AP1AR: variants seen among roughly 807,000 people sequenced by gnomAD.
AP1AR encodes the protein adaptor related protein complex 1 associated regulatory protein.
AP1AR carries 29 observed loss-of-function variants against 46.3 expected under a neutral mutation model. The ratio of observed to expected loss-of-function variants is 0.63; its 90% CI spans 0.47 to 0.85. The LOEUF (loss-of-function observed/expected upper bound fraction) is 0.85, where lower values mean the gene tolerates loss of function less well. AP1AR is among the 40% of genes least tolerant of loss of function. AP1AR has a pLI of 0.00. For missense variants in AP1AR, 357 were observed against 356.3 expected, an observed-to-expected ratio of 1.00 and a Z score of -0.02; for synonymous variants, 122 against 122.9, an observed-to-expected ratio of 0.99 and a Z score of 0.05.
Position 112,268,495 on chromosome 4 carries a change from T to C in AP1AR, c.*86T>C. Reference sequence around the variant, plus strand: ...TATAAGTGATTGTGCTTAGCCTTTTTGTAAGGGAGATGTGTAAGAAACCAT... The same window carrying C: ...TATAAGTGATTGTGCTTAGCCTTTTCGTAAGGGAGATGTGTAAGAAACCAT... On this transcript the variant is annotated 3_prime_UTR_variant, in exon 10 of 10. Transcript: ENST00000274000. 7.5e-7 allele frequency: 1 copy of C among 1,340,274 alleles called. No homozygotes were observed. The highest frequency in any genetic ancestry group is 1.0e-6 in the Non-Finnish European group (1 of 997,472). 83.0% of individuals were successfully genotyped at this position (1,340,274 alleles called of 1,614,324 possible).
At chr4:112,232,668 T>C (rs1725065403) in intron 1 of AP1AR, among the ~76,000 whole-genome samples, 1 of 152,188 alleles carries the variant, frequency 6.6e-6, no homozygotes, top group Non-Finnish European at 1.5e-5. Context: ...AAAATAAGGT[T>C]CCAGATACTG....
rs187732800 is a variant in AP1AR, at chr4:112,253,103, G to A, written c.84-105G>A. On this transcript the variant is annotated intron_variant, in intron 1 of 9. Transcript: ENST00000274000. ...TTTTTATAAATATAACTATATGTTA[G>A]AGATTTTAAAGTTGCTCTTGAGGAA... 8 of 770,126 alleles carry A rather than the reference G, an allele frequency of 1.0e-5. No homozygotes were observed. The Admixed American group carries it at 2.1e-4, about 21-fold the overall frequency. The allele number at this position is 770,126 out of a possible 1,614,324, so 47.7% of individuals were successfully genotyped here. A position where few individuals can be genotyped will look rare whatever the true frequency, so the allele number is the denominator to read the frequency against.
intron 4 of AP1AR, among the ~76,000 whole-genome samples, chr4:112,258,642 G>A (rs191616857): frequency 9.5e-4 from 145 of 152,296 alleles, no homozygotes; most frequent in East Asian, 9.6e-4. Context: ...AGAGCAGGAG[G>A]ACATTAGAAA....
intron 9 of AP1AR, among the ~76,000 whole-genome samples, chr4:112,267,843 A>G (rs1726771952): frequency 6.6e-6 from 1 of 152,124 alleles, no homozygotes; most frequent in East Asian, 1.9e-4. Flanking sequence ...GACTAACAGC[A>G]GTTGAAATCC....
At chr4:112,237,046 C>G (rs1725272526) in intron 1 of AP1AR, among the ~76,000 whole-genome samples, 1 of 152,194 alleles carries the variant, frequency 6.6e-6, no homozygotes, top group African/African-American at 2.4e-5. Flanking sequence ...TCTCTCTTAC[C>G]ACTTTTAATA....
intron 1 of AP1AR, among the ~76,000 whole-genome samples, chr4:112,233,374 C>T (rs1273988199): frequency 6.6e-6 from 1 of 152,112 alleles, no homozygotes; most frequent in Non-Finnish European, 1.5e-5. Context: ...TTTCGATTTC[C>T]CTAATTTATG....
intron 3 of AP1AR, among the ~76,000 whole-genome samples, chr4:112,257,235 G>A (rs911504140): frequency 5.9e-5 from 9 of 152,120 alleles, no homozygotes; most frequent in Admixed American, 5.9e-4. Flanking sequence ...ACAAGAAAGC[G>A]GAGTGTCTGT....
chr4:112,248,866 C>T (rs1043038462), intron 1 of AP1AR, among the ~76,000 whole-genome samples: 6 of 152,292 alleles, frequency 3.9e-5, no homozygotes, highest in South Asian at 2.1e-4. Context: ...TGCCTCAGAG[C>T]GTTTGCTTTT....
Position 112,238,411 on chromosome 4 carries a change from G to A in AP1AR, c.83+6237G>A, listed in dbSNP as rs146625837. On this transcript the variant is annotated intron_variant, in intron 1 of 9. Transcript: ENST00000274000. Reference sequence around the variant, plus strand: ...ATTGACTCACTATTTTTTTTAAAGAGATCATATTGAGTACCTTTGAGAATT... The same window carrying A: ...ATTGACTCACTATTTTTTTTAAAGAAATCATATTGAGTACCTTTGAGAATT... 6.9e-3 allele frequency among the ~76,000 whole-genome samples: 1,044 copies of A among 151,956 alleles called. 14 individuals carry two copies. The highest frequency in any genetic ancestry group is 0.024 in the African/African-American group (1,012 of 41,456).
At chr4:112,255,841 G>A (rs1319050586) in intron 3 of AP1AR, among the ~76,000 whole-genome samples, 5 of 152,264 alleles carry the variant, frequency 3.3e-5, no homozygotes, top group East Asian at 3.9e-4. Flanking sequence ...TTATGCATTC[G>A]TATAGTTAGA....
Position 112,272,818 on chromosome 4 carries a change from A to G in AP1AR, c.*4409A>G, listed in dbSNP as rs1727010124. 6.6e-6 allele frequency: 1 copy of G among 152,090 alleles called. No homozygotes were observed. Among genetic ancestry groups the G allele is most frequent in the South Asian group, 2.1e-4 (1 of 4,830 alleles). 9.4% of individuals were successfully genotyped at this position (152,090 alleles called of 1,614,324 possible). On this transcript the variant is annotated 3_prime_UTR_variant, in exon 10 of 10. Transcript: ENST00000274000. ...GTAACACTAGAACTTTTGAAATGAT[A>G]TATTTTGGAATTATGCCCGCTTTTT...
chr4:112,264,031 A>C (rs1240772488), intron 6 of AP1AR, among the ~76,000 whole-genome samples: 3 of 152,178 alleles, frequency 2.0e-5, no homozygotes, highest in Non-Finnish European at 4.4e-5. Context: ...ATATTGTTAC[A>C]TGATTTCTAT....
chr4:112,235,257 G>T (rs937690053), intron 1 of AP1AR, among the ~76,000 whole-genome samples: 1 of 152,094 alleles, frequency 6.6e-6, no homozygotes, highest in Non-Finnish European at 1.5e-5. Context: ...TATAGACTTA[G>T]TTTTTTCTTT....
At chr4:112,266,273 T>C (rs186114017) in intron 8 of AP1AR, among the ~76,000 whole-genome samples, 296 of 151,942 alleles carry the variant, frequency 1.9e-3, no homozygotes, top group Middle Eastern at 0.01. Context: ...GTTTTATCTT[T>C]CTTGTTCATT....
rs1726818511 is a variant in AP1AR at position 112,268,692 on chromosome 4, A to G, written c.*283A>G. ...TGTCTTTATAGCATTTCTGTTTACT[A>G]TGGTAGATTTCCACTTTCAATTTTT... On this transcript the variant is annotated 3_prime_UTR_variant, in exon 10 of 10. Transcript: ENST00000274000. 1 of 257,204 alleles carries G rather than the reference A, an allele frequency of 3.9e-6. No individual in the cohort carries two copies. The highest frequency in any genetic ancestry group is 7.3e-6 in the Non-Finnish European group (1 of 137,354). 15.9% of individuals were successfully genotyped at this position (257,204 alleles called of 1,614,324 possible).
chr4:112,254,506 T>C (rs1199406256), intron 2 of AP1AR, among the ~76,000 whole-genome samples: 1 of 152,216 alleles, frequency 6.6e-6, no homozygotes, highest in Non-Finnish European at 1.5e-5. Context: ...ATTGCTATAA[T>C]TCTCCTGTTT....
intron 1 of AP1AR, 37 bp from the exon 2 acceptor site, chr4:112,253,171 A>G (rs747074193): frequency 8.5e-6 from 13 of 1,530,652 alleles, no homozygotes; most frequent in East Asian, 2.3e-5. Flanking sequence ...CTTAGAGTTA[A>G]TTGTGTTTTT....
In AP1AR at chr4:112,263,103, C is replaced by T; in HGVS notation, c.381+17C>T. 6.3e-7 allele frequency: 1 copy of T among 1,596,084 alleles called. No individual in the cohort carries two copies. Among genetic ancestry groups the T allele is most frequent in the South Asian group, 1.1e-5 (1 of 88,952 alleles). ...CTCTTGGAGGTGAGGGGAAAAGACCCCAGCATATATTAGGGTTGCTTTTCT... is the reference window on the plus strand; with the variant it reads ...CTCTTGGAGGTGAGGGGAAAAGACCTCAGCATATATTAGGGTTGCTTTTCT... On this transcript the variant is annotated intron_variant, in intron 6 of 9. Coordinates refer to ENST00000274000, the MANE Select transcript of AP1AR (RefSeq NM_018569.6).
intron 2 of AP1AR, 101 bp downstream of exon 2, chr4:112,253,357 G>C (rs549924094): frequency 2.4e-6 from 2 of 820,260 alleles, no homozygotes; most frequent in Admixed American, 4.8e-5. Context: ...ATTTAGAATG[G>C]ACTGTTTATA....
Sources: gnomAD v4.1 joint callset for allele counts (sites outside exome capture counted in the v4.1 genomes callset) on GRCh38, gnomAD v4.1.1 for gene constraint, MANE v1.5 for transcripts, NCBI Gene and HGNC (gene_info 2026-07-23, HGNC 2026-07-21) for gene names.